ERBIN: variants seen among roughly 807,000 people sequenced by gnomAD.
ERBIN encodes densin-180-like protein.
A neutral mutation model predicts 158.4 loss-of-function variants in ERBIN; 60 were observed. The ratio of observed to expected loss-of-function variants is 0.38; its 90% confidence interval spans 0.31 to 0.47. The LOEUF (loss-of-function observed/expected upper bound fraction) is 0.47, where lower values mean the gene tolerates loss of function less well. Ranked by LOEUF, ERBIN falls within the 20% of genes least tolerant of loss-of-function variation. The pLI is 0.99. For synonymous variants in ERBIN, 594 were observed against 557.2 expected, an observed-to-expected ratio of 1.07 and a Z score of -0.93; for missense variants, 1,610 against 1,648.0, an observed-to-expected ratio of 0.98 and a Z score of 0.40.
intron 1 of ERBIN, among the ~76,000 whole-genome samples, chr5:65,983,794 C>T (rs928819928): frequency 6.6e-6 from 1 of 152,176 alleles, no homozygotes; most frequent in East Asian, 1.9e-4. Flanking sequence ...GGGCACCCCC[C>T]CCAACTGTCT....
chr5:65,940,505 T>C (rs1259274256), intron 1 of ERBIN, among the ~76,000 whole-genome samples: 83 of 72,750 alleles, frequency 1.1e-3, no homozygotes, highest in South Asian at 2.2e-3. Flanking sequence ...CCGCCCCGTC[T>C]GGGAGGGAGG....
intron 4 of ERBIN, among the ~76,000 whole-genome samples, chr5:66,004,397 CGT>C (rs943101011): frequency 1.7e-4 from 26 of 151,648 alleles, no homozygotes; most frequent in Admixed American, 3.9e-4. Flanking sequence ...TGTGCGCGCG[CGT>C]GCGTGTGTGT....
chr5:66,060,889 C>T (rs576659002), intron 21 of ERBIN, among the ~76,000 whole-genome samples: 1 of 152,146 alleles, frequency 6.6e-6, no homozygotes, highest in Non-Finnish European at 1.5e-5. Flanking sequence ...AGTTTGATTG[C>T]ACTGTGGTCT....
Position 66,012,118 on chromosome 5 carries a change from C to T in ERBIN, c.377C>T (p.Pro126Leu). ...VLTIVEASVN[P>L]ISKLPDGFSQ... ...ACAATTGTGGAGGCCAGTGTAAACC[C>T]TATTTCCAAGTAAGTTCTCAGGTGA... Residue 126 changes from proline to leucine, a missense_variant, in exon 5 of 26, where the codon CCT becomes CTT. By Grantham distance (98) the Pro-to-Leu change is moderately conservative. Transcript: ENST00000284037. The T allele has an allele frequency of 6.3e-7, 1 of 1,585,166 alleles. No individual in the cohort carries two copies. Among genetic ancestry groups the T allele is most frequent in the Non-Finnish European group, 8.6e-7 (1 of 1,165,130 alleles).
At chr5:65,931,349 A>G (rs1228670701) in intron 1 of ERBIN, among the ~76,000 whole-genome samples, 1 of 152,240 alleles carries the variant, frequency 6.6e-6, no homozygotes, top group African/African-American at 2.4e-5. Context: ...AAGCAATAGA[A>G]AAATGGAAAG....
At chr5:65,986,409 C>T (rs1250170664) in intron 1 of ERBIN, among the ~76,000 whole-genome samples, 3 of 152,176 alleles carry the variant, frequency 2.0e-5, no homozygotes, top group African/African-American at 7.2e-5. Flanking sequence ...GCCAGCTTTG[C>T]TTGCTGTACA....
chr5:66,012,142 G>A lies in ERBIN; in HGVS notation c.386+15G>A. ...CCTATTTCCAAGTAAGTTCTCAGGT[G>A]AATTATAAATTACTTTTGTGAATAA... On this transcript the variant is annotated intron_variant, in intron 5 of 25. Transcript: ENST00000284037. 1.3e-6 allele frequency: 2 copies of A among 1,511,736 alleles called. No homozygotes were observed. Among genetic ancestry groups the A allele is most frequent in the Non-Finnish European group, 1.8e-6 (2 of 1,110,562 alleles). 93.6% of individuals were successfully genotyped at this position (1,511,736 alleles called of 1,614,324 possible).
Position 66,048,682 on chromosome 5 carries a change from T to C in ERBIN, c.1804T>C (p.Ser602Pro). 4 of 1,606,242 alleles carry C rather than the reference T, an allele frequency of 2.5e-6. No individual in the cohort carries two copies. The highest frequency in any genetic ancestry group is 3.4e-6 in the Non-Finnish European group (4 of 1,176,756). ...TTTTCACTAGGAATCTGAAGAACTTTCTTCTGATGAAGAGATGAAAATGGC... is the reference window on the plus strand; with the variant it reads ...TTTTCACTAGGAATCTGAAGAACTTCCTTCTGATGAAGAGATGAAAATGGC... ...DDVFEESEEL[S>P]SDEEMKMAEM... is the part of the protein sequence containing the mutation. The change falls in exon 19 of 26, where the codon TCT (serine) becomes CCT (proline). Residue 602 changes from serine to proline, a missense_variant. Physicochemically the swap from Ser to Pro is moderately conservative, Grantham distance 74. Around this residue, in one of 2 missense-constraint regions of ERBIN, gnomAD observed 596 missense variants for 711.9 expected, o/e 0.84. Transcript: ENST00000284037.
chr5:65,955,749 C>T (rs757395856), intron 1 of ERBIN, among the ~76,000 whole-genome samples: 2 of 152,222 alleles, frequency 1.3e-5, no homozygotes, highest in African/African-American at 2.4e-5. Context: ...ACAACTACAA[C>T]GGTTTTCCCT....
Position 66,081,633 on chromosome 5 carries a change from T to G in ERBIN, c.*3103T>G, listed in dbSNP as rs10044072. 73 of 152,118 alleles carry G rather than the reference T, an allele frequency of 4.8e-4. No individual in the cohort carries two copies. Among genetic ancestry groups the G allele is most frequent in the African/African-American group, 1.8e-3 (73 of 41,490 alleles). The allele number at this position is 152,118 out of a possible 1,614,324, so 9.4% of individuals were successfully genotyped here. On this transcript the variant is annotated 3_prime_UTR_variant, in exon 26 of 26. Transcript: ENST00000284037. ...CAATTTTTTTTTAGCATTAAAACCC[T>G]GTATATCTAGGTGTGGAAGAAGTGT...
At chr5:66,043,315 C>T in intron 16 of ERBIN, 117 bp downstream of exon 16, 1 of 1,022,420 alleles carries the variant, frequency 9.8e-7, no homozygotes. Context: ...TCCTTGTCCT[C>T]AAGGCACTTG....
intron 7 of ERBIN, among the ~76,000 whole-genome samples, chr5:66,018,839 G>A (rs1011594269): frequency 6.6e-6 from 1 of 150,946 alleles, no homozygotes. Context: ...GTTTCACCAT[G>A]TTAGCCAGGA....
At chr5:65,995,040 A>C (rs1752270097) in intron 4 of ERBIN, among the ~76,000 whole-genome samples, 176 bp downstream of exon 4, 1 of 152,234 alleles carries the variant, frequency 6.6e-6, no homozygotes. Context: ...AAGTTTTGCC[A>C]CCTGTTTTGT....
At chr5:66,004,401 C>A (rs116662539) in intron 4 of ERBIN, among the ~76,000 whole-genome samples, 1 of 151,802 alleles carries the variant, frequency 6.6e-6, no homozygotes, top group Non-Finnish European at 1.5e-5. Flanking sequence ...CGCGCGCGTG[C>A]GTGTGTGTAT....
At chr5:66,027,285 T>A (rs774354995) in intron 13 of ERBIN, among the ~76,000 whole-genome samples, 127 of 151,806 alleles carry the variant, frequency 8.4e-4, no homozygotes, top group Non-Finnish European at 1.4e-3. Context: ...CTGTTTTATT[T>A]AAAAGAACCA....
At chr5:65,988,080 T>C (rs1289445361) in intron 1 of ERBIN, among the ~76,000 whole-genome samples, 2 of 152,172 alleles carry the variant, frequency 1.3e-5, no homozygotes, top group African/African-American at 2.4e-5. Context: ...ACTATAAAGA[T>C]AGCCATTTGG....
At chr5:65,993,764 T>C (rs139277295) in intron 3 of ERBIN, among the ~76,000 whole-genome samples, 42 of 152,242 alleles carry the variant, frequency 2.8e-4, no homozygotes, top group Non-Finnish European at 4.7e-4. Context: ...TTAGGAAATA[T>C]AGGACGCTTA....
intron 7 of ERBIN, among the ~76,000 whole-genome samples, chr5:66,017,031 G>A (rs1438023151): frequency 1.3e-5 from 2 of 151,934 alleles, no homozygotes; most frequent in South Asian, 2.1e-4. Flanking sequence ...ACTGCAGGCA[G>A]CCTCTTTTAT....
chr5:66,067,948 T>TA (rs1346011331), intron 21 of ERBIN, among the ~76,000 whole-genome samples: 3 of 152,098 alleles, frequency 2.0e-5, no homozygotes, highest in Admixed American at 2.0e-4. Context: ...CATGTCTCTT[T>TA]AAAAAATAAA....
Sources: gnomAD v4.1 joint callset for allele counts (sites outside exome capture counted in the v4.1 genomes callset) on GRCh38, gnomAD v4.1.1 for gene constraint, gnomAD v4.1.1 regional missense constraint, MANE v1.5 for transcripts, NCBI Gene and HGNC (gene_info 2026-07-23, HGNC 2026-07-21) for gene names.